PHACTR3: variants seen among roughly 807,000 people sequenced by gnomAD.
PHACTR3 encodes protein phosphatase 1, regulatory subunit 123.
Under a neutral mutation model 66.8 loss-of-function variants are expected in PHACTR3, and 16 were observed. That is an observed-to-expected ratio of 0.24 (90% CI 0.16 to 0.36). PHACTR3 has a LOEUF of 0.36. Ranked by LOEUF, PHACTR3 falls within the 10% of genes least tolerant of loss-of-function variation. PHACTR3 has a pLI of 1.00. For synonymous variants in PHACTR3, 323 were observed against 292.1 expected (o/e 1.11, Z -1.08); for missense variants, 647 against 719.9 (o/e 0.90, Z 1.16).
chr20:59,734,966 C>T (rs1199430092), intron 1 of PHACTR3, among the ~76,000 whole-genome samples: 1 of 151,984 alleles, frequency 6.6e-6, no homozygotes, highest in Non-Finnish European at 1.5e-5. Flanking sequence ...CTTGATTCTT[C>T]CTGGTGGTTC....
chr20:59,688,470 C>T (rs375969430), intron 1 of PHACTR3, among the ~76,000 whole-genome samples: 1 of 152,168 alleles, frequency 6.6e-6, no homozygotes. Context: ...ACTGGGAAAG[C>T]CTAGTCGGCT....
In PHACTR3 at chr20:59,780,386, C is replaced by T. The variant is rs571357597; in HGVS notation, c.1174+5896C>T. Among the ~76,000 whole-genome samples the T allele has an allele frequency of 7.2e-5, 11 of 152,296 alleles. No individual in the cohort carries two copies. In the South Asian group the frequency reaches 2.3e-3, roughly 32 times the overall value. ...CAACAGAAATTCATTCCTCACAGTTCCAGAGACAGGGAAGTCCAAGATCAA... is the reference window on the plus strand; with the variant it reads ...CAACAGAAATTCATTCCTCACAGTTTCAGAGACAGGGAAGTCCAAGATCAA... On this transcript the variant is annotated intron_variant, in intron 7 of 12. Transcript: ENST00000371015.
chr20:59,771,479 T>G (rs2040358786), intron 5 of PHACTR3, among the ~76,000 whole-genome samples: 1 of 151,986 alleles, frequency 6.6e-6, no homozygotes. Context: ...AGCTCAAAGT[T>G]TCCCTCTGCA....
At chr20:59,783,212 C>G (rs6100585) in intron 7 of PHACTR3, among the ~76,000 whole-genome samples, 16,043 of 152,124 alleles carry the variant, frequency 0.11, 2,093 homozygotes, top group African/African-American at 0.3. Context: ...GCTGTGGAAA[C>G]CCAGCCACTC....
intron 8 of PHACTR3, among the ~76,000 whole-genome samples, chr20:59,825,013 C>T (rs1224395275): frequency 6.6e-6 from 1 of 152,238 alleles, no homozygotes; most frequent in Non-Finnish European, 1.5e-5. Flanking sequence ...AAGCCCAGAA[C>T]CATGCCCCCT....
chr20:59,825,909 C>T (rs1422501128), intron 8 of PHACTR3, among the ~76,000 whole-genome samples: 2 of 152,072 alleles, frequency 1.3e-5, no homozygotes, highest in Non-Finnish European at 2.9e-5. Flanking sequence ...GCGGGATTAG[C>T]GCCCTCAAAA....
chr20:59,712,348 A>G (rs531733159), intron 1 of PHACTR3, among the ~76,000 whole-genome samples: 1 of 152,278 alleles, frequency 6.6e-6, no homozygotes, highest in South Asian at 2.1e-4. Context: ...AACCTATCCC[A>G]TATTTCATGT....
chr20:59,666,141 T>A (rs1474958798), intron 1 of PHACTR3, among the ~76,000 whole-genome samples: 1 of 152,156 alleles, frequency 6.6e-6, no homozygotes, highest in Non-Finnish European at 1.5e-5. Context: ...TCACTTGGAC[T>A]TTCTGTGGCT....
At position 59,738,440 on chromosome 20, in the gene PHACTR3, A is replaced by G. The variant is rs1450457740; in HGVS notation, c.119-4667A>G. 2.0e-5 allele frequency among the ~76,000 whole-genome samples: 3 copies of G among 152,176 alleles called. No individual in the cohort carries two copies. Among genetic ancestry groups the G allele is most frequent in the Non-Finnish European group, 4.4e-5 (3 of 68,028 alleles). The stretch of plus-strand genomic sequence containing the variant: ...CAGGAAGTGATAGGGTTAGAGCTCT[A>G]TTTCTAAGACATCGGATCACAGGAA... On this transcript the variant is annotated intron_variant, in intron 1 of 12. Transcript: ENST00000371015. This position sits in a 1 kb window ranked among gnomAD's most constrained non-coding sequence, Gnocchi z 4.4.
chr20:59,746,446 C>T (rs2039374916), intron 2 of PHACTR3, among the ~76,000 whole-genome samples: 1 of 152,210 alleles, frequency 6.6e-6, no homozygotes, highest in Non-Finnish European at 1.5e-5. Flanking sequence ...AGTAGGTGCT[C>T]AGTAAATGTG....
intron 1 of PHACTR3, chr20:59,628,616 C>A: frequency 4.1e-6 from 4 of 985,396 alleles, no homozygotes; most frequent in African/African-American, 1.7e-5. Context: ...CACAAAAACA[C>A]AAAGAAACAA....
At chr20:59,647,448 A>G (rs1269909115) in intron 1 of PHACTR3, among the ~76,000 whole-genome samples, 1 of 152,124 alleles carries the variant, frequency 6.6e-6, no homozygotes, top group Non-Finnish European at 1.5e-5. Context: ...TACCAGGTGG[A>G]AGGCCCCCTG....
chr20:59,660,675 A>T (rs915024781), intron 1 of PHACTR3, among the ~76,000 whole-genome samples: 2 of 152,246 alleles, frequency 1.3e-5, no homozygotes, highest in Non-Finnish European at 2.9e-5. Flanking sequence ...AAATGCCTTA[A>T]ATAGTGTTTT....
At chr20:59,732,829 T>C (rs2146724322) in intron 1 of PHACTR3, among the ~76,000 whole-genome samples, 1 of 152,312 alleles carries the variant, frequency 6.6e-6, no homozygotes, top group South Asian at 2.1e-4. Flanking sequence ...TGCCAGGCAC[T>C]GTGCTAGGTG....
At chr20:59,684,343 C>A (rs2036777021) in intron 1 of PHACTR3, among the ~76,000 whole-genome samples, 1 of 152,154 alleles carries the variant, frequency 6.6e-6, no homozygotes, top group Non-Finnish European at 1.5e-5. Context: ...CAGAATGAAG[C>A]AGCAAAGAGC....
At chr20:59,838,263 A>G (rs1206399952) in intron 9 of PHACTR3, among the ~76,000 whole-genome samples, 3 of 152,188 alleles carry the variant, frequency 2.0e-5, no homozygotes, top group Non-Finnish European at 2.9e-5. Flanking sequence ...GTAACTATAT[A>G]TAGCCTAGTA....
chr20:59,838,584 T>C (rs1276596662), intron 9 of PHACTR3, among the ~76,000 whole-genome samples: 1 of 152,210 alleles, frequency 6.6e-6, no homozygotes, highest in Non-Finnish European at 1.5e-5. Flanking sequence ...TGCAACATAT[T>C]TGTGAGGTTT....
chr20:59,832,199 A>T lies in PHACTR3; in HGVS notation c.1329-4306A>T, dbSNP rs1182285870. ...CTGATTCCAGCTGTAGTAGCTGCTG[A>T]TCACATTCCTCTCTCTGAGCCTCAA... On this transcript the variant is annotated intron_variant, in intron 8 of 12. Transcript: ENST00000371015. Among the ~76,000 whole-genome samples, 3 of 152,276 alleles carry T rather than the reference A, an allele frequency of 2.0e-5. No homozygotes were observed. In the East Asian group the frequency reaches 5.8e-4, roughly 29 times the overall value.
chr20:59,707,657 G>A (rs1029702502), intron 1 of PHACTR3, among the ~76,000 whole-genome samples: 1 of 151,962 alleles, frequency 6.6e-6, no homozygotes, highest in East Asian at 1.9e-4. Flanking sequence ...TAGAGACAGG[G>A]TTTCACTATG....
Sources: gnomAD v4.1 joint callset for allele counts (sites outside exome capture counted in the v4.1 genomes callset) on GRCh38, gnomAD v4.1.1 for gene constraint, Gnocchi (gnomAD v3.1) non-coding constraint, MANE v1.5 for transcripts, NCBI Gene and HGNC (gene_info 2026-07-23, HGNC 2026-07-21) for gene names.